SOX5: variants seen among roughly 807,000 people sequenced by gnomAD.
The protein encoded by SOX5 is SRY-box transcription factor 5.
SOX5 carries 9 observed loss-of-function variants against 92.0 expected under a neutral mutation model. That is an observed-to-expected ratio of 0.10 (90% CI 0.06 to 0.17). The LOEUF is 0.17. Ranked by LOEUF, SOX5 falls within the 10% of genes least tolerant of loss-of-function variation. The probability of loss-of-function intolerance (pLI) is 1.00; values close to 1 mark genes in which losing one functional copy is unlikely to be tolerated. For synonymous variants in SOX5, 344 were observed against 336.3 expected (o/e 1.02, Z -0.25); for missense variants, 642 against 944.5 (o/e 0.68, Z 4.20).
intron 3 of SOX5, among the ~76,000 whole-genome samples, chr12:23,789,376 A>G (rs984176114): frequency 6.6e-6 from 1 of 152,086 alleles, no homozygotes; most frequent in African/African-American, 2.4e-5. Flanking sequence ...TCTTAGCAGT[A>G]TTAACCTTTT....
intron 2 of SOX5, among the ~76,000 whole-genome samples, chr12:23,850,846 C>T (rs2096625771): frequency 6.6e-6 from 1 of 152,144 alleles, no homozygotes; most frequent in South Asian, 2.1e-4. Context: ...CATAAACACA[C>T]AGACACACAC....
intron 3 of SOX5, among the ~76,000 whole-genome samples, chr12:24,247,902 C>T (rs1208657538): frequency 6.6e-6 from 1 of 152,072 alleles, no homozygotes. Context: ...GATCTGCCTG[C>T]CTCGGCCTCC....
At chr12:23,606,305 A>G (rs950432704) in intron 8 of SOX5, among the ~76,000 whole-genome samples, 2 of 151,888 alleles carry the variant, frequency 1.3e-5, no homozygotes, top group African/African-American at 4.8e-5. Context: ...CTAGATAACT[A>G]TATTACATTT....
At chr12:24,243,783 A>G (rs1052640735) in intron 3 of SOX5, among the ~76,000 whole-genome samples, 2 of 152,144 alleles carry the variant, frequency 1.3e-5, no homozygotes, top group African/African-American at 2.4e-5. Context: ...CCTTAGCCCA[A>G]TCCCAGTGAG....
intron 3 of SOX5, among the ~76,000 whole-genome samples, chr12:23,757,640 AAT>A (rs2094435006): frequency 6.6e-6 from 1 of 151,988 alleles, no homozygotes; most frequent in African/African-American, 2.4e-5. Flanking sequence ...CGGTATTTGC[AAT>A]AGAGTACTGT....
chr12:24,420,921 G>A (rs1035268475), intron 1 of SOX5, among the ~76,000 whole-genome samples: 3 of 152,124 alleles, frequency 2.0e-5, no homozygotes, highest in African/African-American at 4.8e-5. Context: ...CACACCATGA[G>A]TATGCCACCA....
chr12:24,009,971 A>T lies in SOX5; in HGVS notation c.-1-113947T>A, dbSNP rs541272125. 2.0e-5 allele frequency among the ~76,000 whole-genome samples: 3 copies of T among 152,310 alleles called. No individual in the cohort carries two copies. The East Asian group carries it at 5.8e-4, about 29-fold the overall frequency. On this transcript the variant is annotated intron_variant, in intron 4 of 4. Transcript: ENST00000446891. ...TCAGTCTTGGCCTCTTGCAAAGAAG[A>T]TATCTTCCAGTACCTAGCGTGTTCC...
chr12:24,288,413 A>C (rs1385528481), intron 2 of SOX5, among the ~76,000 whole-genome samples: 2 of 152,166 alleles, frequency 1.3e-5, no homozygotes, highest in Non-Finnish European at 2.9e-5. Flanking sequence ...GGTGCTAATG[A>C]CTGGTTTGGC....
At chr12:24,558,674 G>C (rs903531829) in intron 1 of SOX5, among the ~76,000 whole-genome samples, 1 of 151,984 alleles carries the variant, frequency 6.6e-6, no homozygotes, top group African/African-American at 2.4e-5. Context: ...CGAACTCTTG[G>C]TTAATTTAAG....
intron 4 of SOX5, among the ~76,000 whole-genome samples, chr12:24,004,312 A>C (rs1044243691): frequency 6.6e-6 from 1 of 151,994 alleles, no homozygotes; most frequent in Non-Finnish European, 1.5e-5. Flanking sequence ...GTTTCTCAAA[A>C]AAAAAAACAC....
intron 4 of SOX5, among the ~76,000 whole-genome samples, chr12:24,158,836 A>G (rs971328448): frequency 1.3e-5 from 2 of 151,936 alleles, no homozygotes; most frequent in Non-Finnish European, 2.9e-5. Context: ...CATTTATGTC[A>G]GCAAGTACGT....
At chr12:23,676,727 C>T (rs2085761545) in intron 6 of SOX5, among the ~76,000 whole-genome samples, 1 of 152,130 alleles carries the variant, frequency 6.6e-6, no homozygotes, top group Non-Finnish European at 1.5e-5. Flanking sequence ...AAAGTAATGC[C>T]TTGAATTATG....
chr12:23,570,975 ATATATATATT>A (rs1413963988), intron 10 of SOX5, among the ~76,000 whole-genome samples: 24 of 79,214 alleles, frequency 3.0e-4, no homozygotes, highest in Non-Finnish European at 4.9e-4. Flanking sequence ...ATATATATAT[ATATATATATT>A]TTCATATTTT....
chr12:23,743,351 C>T (rs946968243), intron 4 of SOX5, among the ~76,000 whole-genome samples: 3 of 151,604 alleles, frequency 2.0e-5, no homozygotes, highest in African/African-American at 7.3e-5. Context: ...GTTCTGTCAC[C>T]CAGGCTGGAG....
intron 9 of SOX5, among the ~76,000 whole-genome samples, chr12:23,598,933 TC>T (rs1952957858): frequency 6.6e-6 from 1 of 152,214 alleles, no homozygotes; most frequent in East Asian, 1.9e-4. Flanking sequence ...TTGATTATCC[TC>T]TGATTTCTCG....
intron 2 of SOX5, among the ~76,000 whole-genome samples, chr12:24,305,719 TC>T (rs1481911576): frequency 6.6e-6 from 1 of 152,128 alleles, no homozygotes; most frequent in Non-Finnish European, 1.5e-5. Flanking sequence ...TGCCTCAGCC[TC>T]CTGAGTAGCT....
intron 3 of SOX5, among the ~76,000 whole-genome samples, chr12:24,232,888 C>T (rs1484395227): frequency 6.6e-5 from 10 of 152,152 alleles, no homozygotes; most frequent in Non-Finnish European, 2.9e-5. Flanking sequence ...TCTGTCAATG[C>T]TATGCCCACC....
At chr12:24,274,598 T>A (rs748806655) in intron 3 of SOX5, among the ~76,000 whole-genome samples, 1 of 151,874 alleles carries the variant, frequency 6.6e-6, no homozygotes, top group Non-Finnish European at 1.5e-5. Context: ...GTCTCCAACG[T>A]CTATGCTTCC....
intron 4 of SOX5, among the ~76,000 whole-genome samples, chr12:24,073,606 T>G (rs1569533815): frequency 6.6e-6 from 1 of 152,184 alleles, no homozygotes; most frequent in Admixed American, 6.5e-5. Flanking sequence ...TTACAGCCAT[T>G]TTCAATAAAA....
Sources: gnomAD v4.1 joint callset for allele counts (sites outside exome capture counted in the v4.1 genomes callset) on GRCh38, gnomAD v4.1.1 for gene constraint, MANE v1.5 for transcripts, NCBI Gene and HGNC (gene_info 2026-07-23, HGNC 2026-07-21) for gene names.